EXOC4: variants seen among roughly 807,000 people sequenced by gnomAD.
EXOC4 encodes the protein exocyst complex component 4.
EXOC4 carries 71 observed loss-of-function variants against 107.2 expected under a neutral mutation model. The observed-to-expected ratio is 0.66, with a 90% CI of 0.55 to 0.81. The LOEUF (loss-of-function observed/expected upper bound fraction) is 0.81. EXOC4 is among the 30% of genes least tolerant of loss of function. The pLI is 0.00. For synonymous variants in EXOC4, 456 were observed against 441.2 expected, an observed-to-expected ratio of 1.03 and a Z score of -0.42; for missense variants, 1,108 against 1,189.6, an observed-to-expected ratio of 0.93 and a Z score of 1.01.
intron 10 of EXOC4, among the ~76,000 whole-genome samples, chr7:133,778,339 A>T (rs1295537587): frequency 6.6e-6 from 1 of 152,186 alleles, no homozygotes; most frequent in Non-Finnish European, 1.5e-5. Flanking sequence ...TCACACCTAT[A>T]ATCGAAGACC....
intron 5 of EXOC4, among the ~76,000 whole-genome samples, chr7:133,334,412 A>C (rs921133209): frequency 1.1e-4 from 16 of 152,126 alleles, no homozygotes; most frequent in Non-Finnish European, 1.9e-4. Flanking sequence ...ACTCCTTTAT[A>C]CTTTGCTGTT....
chr7:133,387,885 A>C (rs989565272), intron 7 of EXOC4, among the ~76,000 whole-genome samples: 35 of 152,134 alleles, frequency 2.3e-4, no homozygotes, highest in Non-Finnish European at 4.7e-4. Flanking sequence ...GTTCATGGGC[A>C]AAGGGGGACT....
At chr7:133,440,045 A>G (rs111439731) in intron 7 of EXOC4, among the ~76,000 whole-genome samples, 2 of 152,226 alleles carry the variant, frequency 1.3e-5, no homozygotes, top group Admixed American at 6.5e-5. Context: ...AAATAAATTT[A>G]GTGATTACAT....
intron 9 of EXOC4, among the ~76,000 whole-genome samples, chr7:133,485,427 A>G (rs970138253): frequency 1.3e-5 from 2 of 150,990 alleles, no homozygotes; most frequent in Non-Finnish European, 2.9e-5. Flanking sequence ...GACTTTGTAG[A>G]CTCTCCCCAG....
At chr7:133,883,878 G>T (rs991396330) in intron 11 of EXOC4, among the ~76,000 whole-genome samples, 1 of 152,156 alleles carries the variant, frequency 6.6e-6, no homozygotes, top group Admixed American at 6.5e-5. Context: ...ATTCATAACA[G>T]TTTAAACATC....
chr7:133,483,938 A>G, intron 9 of EXOC4: 4 of 1,190,548 alleles, frequency 3.4e-6, no homozygotes, highest in Non-Finnish European at 5.0e-6. Flanking sequence ...AAACCGTAAG[A>G]GACTAAGGGA....
At chr7:133,727,339 T>C (rs1469266292) in intron 10 of EXOC4, 5 of 160,352 alleles carry the variant, frequency 3.1e-5, no homozygotes, top group Non-Finnish European at 5.9e-5. Flanking sequence ...ACAGCACATT[T>C]TGAGTAACTT....
At position 134,004,342 on chromosome 7, in the gene EXOC4, A is replaced by G. The variant is rs112902077; in HGVS notation, c.2349-570A>G. Reference sequence around the variant, plus strand: ...TTTACATGTAGTAGTTACTCACAGCACCTTATGAGACAGGTGTTGTTTTCA... The same window carrying G: ...TTTACATGTAGTAGTTACTCACAGCGCCTTATGAGACAGGTGTTGTTTTCA... On this transcript the variant is annotated intron_variant, in intron 15 of 17. Coordinates refer to ENST00000253861, the MANE Select transcript of EXOC4 (RefSeq NM_021807.4). Among the ~76,000 whole-genome samples, 572 of 152,238 alleles carry G rather than the reference A, an allele frequency of 3.8e-3. 6 individuals carry two copies. The highest frequency in any genetic ancestry group is 0.013 in the African/African-American group (550 of 41,542).
At chr7:133,710,419 G>T (rs1436086964) in intron 10 of EXOC4, among the ~76,000 whole-genome samples, 1 of 151,958 alleles carries the variant, frequency 6.6e-6, no homozygotes, top group Non-Finnish European at 1.5e-5. Context: ...CCAACACTTT[G>T]GGAGGCCGAG....
chr7:133,459,439 A>C (rs1798538073), intron 7 of EXOC4, among the ~76,000 whole-genome samples: 1 of 152,190 alleles, frequency 6.6e-6, no homozygotes. Flanking sequence ...TGAGAGTTAA[A>C]ATTAAAAGAT....
chr7:133,770,222 A>G (rs1796218044), intron 10 of EXOC4, among the ~76,000 whole-genome samples: 1 of 151,898 alleles, frequency 6.6e-6, no homozygotes, highest in Non-Finnish European at 1.5e-5. Context: ...CCTGTACAAT[A>G]GTTCTCTCAG....
chr7:133,273,874 T>G (rs1793929759), intron 1 of EXOC4, among the ~76,000 whole-genome samples: 1 of 151,990 alleles, frequency 6.6e-6, no homozygotes, highest in Non-Finnish European at 1.5e-5. Flanking sequence ...CCTCCCTAAA[T>G]TAAAAAAGAT....
intron 7 of EXOC4, among the ~76,000 whole-genome samples, chr7:133,453,071 C>T (rs1285043385): frequency 2.0e-5 from 3 of 152,016 alleles, no homozygotes; most frequent in East Asian, 1.9e-4. Context: ...TAAATATGAA[C>T]GAGGCATTAA....
At chr7:133,744,748 T>C (rs897183628) in intron 10 of EXOC4, among the ~76,000 whole-genome samples, 9 of 152,302 alleles carry the variant, frequency 5.9e-5, no homozygotes, top group South Asian at 2.1e-4. Flanking sequence ...CCTTTGCTGA[T>C]TGGTGACTTG....
intron 9 of EXOC4, among the ~76,000 whole-genome samples, chr7:133,542,235 T>TA: frequency 6.6e-6 from 1 of 150,824 alleles, no homozygotes; most frequent in East Asian, 2.0e-4. Flanking sequence ...TGGAGGAAAT[T>TA]GTCCATTTTT....
chr7:133,332,178 A>G (rs886252585), intron 5 of EXOC4, among the ~76,000 whole-genome samples: 27 of 152,190 alleles, frequency 1.8e-4, no homozygotes, highest in Admixed American at 1.7e-3. Flanking sequence ...GAATATGACT[A>G]TAATGAAACT....
intron 10 of EXOC4, among the ~76,000 whole-genome samples, chr7:133,788,449 CT>C (rs1282888688): frequency 1.3e-5 from 2 of 151,974 alleles, no homozygotes; most frequent in Non-Finnish European, 2.9e-5. Context: ...ATGCTTCACC[CT>C]CCTGTTTGCT....
intron 10 of EXOC4, among the ~76,000 whole-genome samples, chr7:133,782,340 C>A (rs914154561): frequency 1.7e-4 from 26 of 152,248 alleles, no homozygotes; most frequent in African/African-American, 6.3e-4. Context: ...AAGTATCCCT[C>A]CTTGGTTTTA....
chr7:133,832,828 G>A (rs1797838716), intron 11 of EXOC4, among the ~76,000 whole-genome samples: 1 of 152,090 alleles, frequency 6.6e-6, no homozygotes, highest in Non-Finnish European at 1.5e-5. Context: ...TATTGAAATT[G>A]TAGGGGTCAG....
Sources: allele counts gnomAD v4.1 joint callset (sites outside exome capture counted in the v4.1 genomes callset), GRCh38; gene constraint gnomAD v4.1.1; transcripts MANE v1.5; gene names NCBI Gene and HGNC (gene_info 2026-07-23, HGNC 2026-07-21).